Variants in PTPRM observed in about 807,000 individuals in gnomAD.
The protein encoded by PTPRM is protein tyrosine phosphatase receptor type M, also known as receptor-type tyrosine-protein phosphatase mu.
Under a neutral mutation model 186.7 loss-of-function variants are expected in PTPRM, and 47 were observed. That is an observed-to-expected ratio of 0.25 (90% CI 0.20 to 0.32). The LOEUF (loss-of-function observed/expected upper bound fraction) is 0.32, where lower values mean the gene tolerates loss of function less well. Ranked by LOEUF, PTPRM falls within the 10% of genes least tolerant of loss-of-function variation. The pLI, the probability that PTPRM is intolerant of heterozygous loss-of-function variation, is 1.00. For missense variants in PTPRM, 1,494 were observed against 1,865.0 expected, an observed-to-expected ratio of 0.80 and a Z score of 3.66; for synonymous variants, 668 against 674.9, an observed-to-expected ratio of 0.99 and a Z score of 0.16.
At position 7,840,325 on chromosome 18, in the gene PTPRM, A is replaced by AT. The variant is rs541930893; in HGVS notation, c.197-47775dup. ...CTGAGTTTTAAATTTTATTCTAGAT[A>AT]TTTTTTCAAGAAAAAAGGTATATGT... On this transcript the variant is annotated intron_variant, in intron 2 of 32. Coordinates refer to ENST00000580170, the MANE Select transcript of PTPRM (RefSeq NM_001105244.2). Among the ~76,000 whole-genome samples, 5 of 152,192 alleles carry AT rather than the reference A, an allele frequency of 3.3e-5. No individual in the cohort carries two copies. The South Asian group carries it at 8.3e-4, about 25-fold the overall frequency.
intron 1 of PTPRM, among the ~76,000 whole-genome samples, chr18:7,618,599 C>G (rs531986137): frequency 2.0e-4 from 31 of 152,326 alleles, no homozygotes; most frequent in African/African-American, 7.0e-4. Flanking sequence ...CCCACATCTA[C>G]TATCTTTCAG....
intron 31 of PTPRM, 77 bp from the exon 32 acceptor site, chr18:8,394,399 A>C (rs2095835307): frequency 6.8e-7 from 1 of 1,476,376 alleles, no homozygotes; most frequent in Non-Finnish European, 9.1e-7. Flanking sequence ...GGGTTTAGAC[A>C]GCTTGTTTCC....
chr18:7,895,119 C>T (rs1265266648), intron 3 of PTPRM, among the ~76,000 whole-genome samples: 1 of 152,098 alleles, frequency 6.6e-6, no homozygotes, highest in Non-Finnish European at 1.5e-5. Context: ...TGAATATCAG[C>T]CCTGCTTACT....
At chr18:7,737,150 C>CA (rs2040788139) in intron 1 of PTPRM, among the ~76,000 whole-genome samples, 1 of 151,118 alleles carries the variant, frequency 6.6e-6, no homozygotes, top group African/African-American at 2.4e-5. Flanking sequence ...TTTTTGGAGA[C>CA]AGAGTCACAC....
intron 23 of PTPRM, among the ~76,000 whole-genome samples, chr18:8,344,480 C>G: frequency 8.2e-6 from 1 of 122,270 alleles, no homozygotes; most frequent in Non-Finnish European, 1.7e-5. Flanking sequence ...ATATATCTAG[C>G]AAAAATGGCA....
chr18:8,337,559 G>A (rs757965487), intron 22 of PTPRM, among the ~76,000 whole-genome samples: 7 of 152,172 alleles, frequency 4.6e-5, no homozygotes, highest in East Asian at 1.9e-4. Context: ...TGGTATAAAC[G>A]AACAAAGCAA....
chr18:8,085,891 TTG>T lies in PTPRM; in HGVS notation c.1753+23_1753+24del. 2 of 1,603,720 alleles carry T rather than the reference TTG, an allele frequency of 1.2e-6. No homozygotes were observed. Among genetic ancestry groups the T allele is most frequent in the Non-Finnish European group, 1.7e-6 (2 of 1,171,254 alleles). On this transcript the variant is annotated intron_variant, in intron 10 of 32. Transcript: ENST00000580170. Reference sequence around the variant, plus strand: ...ATATCAGGTACTCTACATTCGTGAGTTGTGTCTTTTATCAGAAGTAACATTTT... The same window carrying T: ...ATATCAGGTACTCTACATTCGTGAGTTGTCTTTTATCAGAAGTAACATTTT...
chr18:7,754,107 T>G (rs2041353278), intron 1 of PTPRM, among the ~76,000 whole-genome samples: 1 of 152,248 alleles, frequency 6.6e-6, no homozygotes, highest in Admixed American at 6.5e-5. Flanking sequence ...GCTTTAGAAC[T>G]TCTTGTTGAA....
intron 1 of PTPRM, among the ~76,000 whole-genome samples, chr18:7,684,944 A>G (rs1368699460): frequency 1.3e-5 from 2 of 152,218 alleles, no homozygotes; most frequent in Non-Finnish European, 2.9e-5. Flanking sequence ...CCATAATAGC[A>G]AAACCAATTT....
chr18:7,886,300 T>C lies in PTPRM; in HGVS notation c.197-1806T>C, dbSNP rs530551078. Among the ~76,000 whole-genome samples the C allele has an allele frequency of 1.4e-4, 21 of 152,358 alleles. No individual in the cohort carries two copies. The East Asian group carries it at 3.9e-3, about 28-fold the overall frequency. On this transcript the variant is annotated intron_variant, in intron 2 of 32. Coordinates refer to ENST00000580170, the MANE Select transcript of PTPRM (RefSeq NM_001105244.2). The stretch of plus-strand genomic sequence containing the variant: ...TCAACCCTGCATGTTTTGAAGATTT[T>C]TTACATTTGTAAACAGTAACTAACC...
At chr18:8,118,811 A>AAAAATATAT (rs372020679) in intron 13 of PTPRM, among the ~76,000 whole-genome samples, 238 of 128,328 alleles carry the variant, frequency 1.9e-3, no homozygotes, top group African/African-American at 6.0e-3. Flanking sequence ...AAAAAAAAAA[A>AAAAATATAT]ATATATATAT....
chr18:8,181,736 A>G (rs1480221076), intron 14 of PTPRM, among the ~76,000 whole-genome samples: 1 of 152,200 alleles, frequency 6.6e-6, no homozygotes, highest in Admixed American at 6.5e-5. Flanking sequence ...GGGAAGATGA[A>G]TCCGCATCAG....
chr18:8,161,564 G>A (rs2093230064), intron 14 of PTPRM, among the ~76,000 whole-genome samples: 1 of 152,066 alleles, frequency 6.6e-6, no homozygotes, highest in African/African-American at 2.4e-5. Context: ...CTTTTTGGTT[G>A]GCAATGAATC....
chr18:7,878,163 T>A (rs1191150581), intron 2 of PTPRM, among the ~76,000 whole-genome samples: 1 of 152,242 alleles, frequency 6.6e-6, no homozygotes, highest in Admixed American at 6.5e-5. Context: ...CCATTCTAAT[T>A]GTATTTCTGC....
intron 1 of PTPRM, among the ~76,000 whole-genome samples, chr18:7,760,354 C>A (rs928243703): frequency 2.0e-5 from 3 of 152,070 alleles, no homozygotes; most frequent in African/African-American, 7.2e-5. Flanking sequence ...TAATCTAGGC[C>A]TGGAAGAGTC....
At position 8,379,412 on chromosome 18, in the gene PTPRM, T is replaced by TC. The variant is rs530715565; in HGVS notation, c.3786+76dup. On this transcript the variant is annotated intron_variant, in intron 28 of 32. Coordinates refer to ENST00000580170, the MANE Select transcript of PTPRM (RefSeq NM_001105244.2). ...GAGACTGCAGAACAGGCTTGGGTCT[T>TC]CCCCATTCTGCTCACCAGCCCTTTT... 2.7e-5 allele frequency: 38 copies of TC among 1,391,030 alleles called. No individual in the cohort carries two copies. In the South Asian group the frequency reaches 5.5e-4, roughly 20 times the overall value. 86.2% of individuals were successfully genotyped at this position (1,391,030 alleles called of 1,614,324 possible). A position where few individuals can be genotyped will look rare whatever the true frequency, so the allele number is the denominator to read the frequency against.
At chr18:7,924,871 G>A (rs2051079391) in intron 4 of PTPRM, among the ~76,000 whole-genome samples, 1 of 152,206 alleles carries the variant, frequency 6.6e-6, no homozygotes, top group Admixed American at 6.5e-5. Flanking sequence ...GGCACAGATG[G>A]TGGGAAGACT....
intron 11 of PTPRM, among the ~76,000 whole-genome samples, chr18:8,106,316 A>G (rs1008791033): frequency 1.4e-5 from 2 of 147,778 alleles, no homozygotes; most frequent in Non-Finnish European, 3.0e-5. Flanking sequence ...GTTAATAAAC[A>G]TGTTGGCTTT....
At chr18:8,249,957 A>G (rs2094512213) in intron 17 of PTPRM, among the ~76,000 whole-genome samples, 1 of 146,052 alleles carries the variant, frequency 6.8e-6, no homozygotes, top group Non-Finnish European at 1.6e-5. Context: ...GCAAATGTGA[A>G]TCTATGTATT....
Sources: allele counts gnomAD v4.1 joint callset (sites outside exome capture counted in the v4.1 genomes callset), GRCh38; gene constraint gnomAD v4.1.1; transcripts MANE v1.5; gene names NCBI Gene and HGNC (gene_info 2026-07-23, HGNC 2026-07-21).